WWOX: variants seen among roughly 807,000 people sequenced by gnomAD.
The protein encoded by WWOX is WW domain containing oxidoreductase, also known as WW domain-containing oxidoreductase.
Under a neutral mutation model 46.2 loss-of-function variants are expected in WWOX, and 69 were observed. The observed-to-expected ratio is 1.49, with a 90% confidence interval of 1.23 to 1.82. The LOEUF (loss-of-function observed/expected upper bound fraction) is 1.82, where lower values mean the gene tolerates loss of function less well. WWOX is among the 40% of genes most tolerant of loss of function. WWOX has a pLI of 0.00. For synonymous variants in WWOX, 359 were observed against 202.6 expected (o/e 1.77, Z -6.56); for missense variants, 919 against 542.6 (o/e 1.69, Z -6.89).
intron 8 of WWOX, among the ~76,000 whole-genome samples, chr16:79,055,047 C>T (rs563594016): frequency 5.1e-4 from 77 of 152,206 alleles, no homozygotes; most frequent in African/African-American, 1.6e-3. Flanking sequence ...TTATATATTT[C>T]GTCAGAGACC....
chr16:78,963,522 G>T (rs775676812), intron 8 of WWOX, among the ~76,000 whole-genome samples: 7 of 152,114 alleles, frequency 4.6e-5, no homozygotes, highest in Non-Finnish European at 1.5e-5. Flanking sequence ...GACAGCAGTC[G>T]CTTCACTCCT....
intron 8 of WWOX, among the ~76,000 whole-genome samples, chr16:78,567,746 G>A (rs997555944): frequency 1.3e-5 from 2 of 151,986 alleles, no homozygotes; most frequent in South Asian, 4.2e-4. Context: ...TGGCTGAGTC[G>A]GGGAGAAAAG....
chr16:78,551,547 C>G (rs980474860), intron 8 of WWOX: 1 of 152,162 alleles, frequency 6.6e-6, no homozygotes, highest in Non-Finnish European at 1.5e-5. Flanking sequence ...AAGGAATAGC[C>G]TAGACCTAAA....
intron 8 of WWOX, among the ~76,000 whole-genome samples, chr16:78,880,043 G>C (rs1178895198): frequency 6.6e-6 from 1 of 152,176 alleles, no homozygotes; most frequent in African/African-American, 2.4e-5. Context: ...TAAAGTAAAA[G>C]AGTGAAAACA....
At chr16:78,509,390 G>A (rs527291167) in intron 8 of WWOX, among the ~76,000 whole-genome samples, 103 of 151,516 alleles carry the variant, frequency 6.8e-4, no homozygotes, top group Middle Eastern at 3.4e-3. Flanking sequence ...AGTGAGCTGA[G>A]TTTGCACCAC....
chr16:78,220,609 G>A (rs1274446844), intron 5 of WWOX, among the ~76,000 whole-genome samples: 2 of 152,066 alleles, frequency 1.3e-5, no homozygotes. Context: ...AGCGAAAATT[G>A]AACATTTTTA....
chr16:78,744,516 C>G (rs927019087), intron 8 of WWOX, among the ~76,000 whole-genome samples: 1 of 138,454 alleles, frequency 7.2e-6, no homozygotes, highest in Non-Finnish European at 1.5e-5. Flanking sequence ...ATTGCAACAT[C>G]TGCCTCCTGG....
intron 8 of WWOX, chr16:79,206,229 C>T (rs958362315): frequency 1.3e-5 from 2 of 152,238 alleles, no homozygotes; most frequent in Non-Finnish European, 2.9e-5. Flanking sequence ...CAGACATGGC[C>T]TGGCTGAGAA....
In WWOX at chr16:78,144,448, C is replaced by CGTATATATATATATATATAT. The variant is rs71380475; in HGVS notation, c.410-19735_410-19734insGTATATATATATATATATAT. On this transcript the variant is annotated intron_variant, in intron 4 of 8. Coordinates refer to ENST00000566780, the MANE Select transcript of WWOX (RefSeq NM_016373.4). ...CCATTACTATATATATATATATATA[C>CGTATATATATATATATATAT]ACATATATATATATACACACATATA... is the stretch of plus-strand genomic sequence containing the variant. 7.6e-3 allele frequency among the ~76,000 whole-genome samples: 133 copies of CGTATATATATATATATATAT among 17,570 alleles called. 17 individuals carry two copies. The highest frequency in any genetic ancestry group is 0.013 in the African/African-American group (87 of 6,936). 11.5% of individuals were successfully genotyped at this position (17,570 alleles called of 152,430 possible). A position where few individuals can be genotyped will look rare whatever the true frequency, so the allele number is the denominator to read the frequency against.
chr16:78,809,962 C>A (rs974472093), intron 8 of WWOX, among the ~76,000 whole-genome samples: 19 of 152,184 alleles, frequency 1.2e-4, no homozygotes, highest in African/African-American at 4.1e-4. Flanking sequence ...CCTTGGTATC[C>A]TGTTCATCTG....
chr16:78,855,590 T>A (rs1279833864), intron 8 of WWOX, among the ~76,000 whole-genome samples: 1 of 152,196 alleles, frequency 6.6e-6, no homozygotes, highest in Non-Finnish European at 1.5e-5. Context: ...TACTTCCTGC[T>A]CAGAGCTGTA....
At chr16:78,410,308 G>C (rs532406451) in intron 6 of WWOX, among the ~76,000 whole-genome samples, 8 of 152,254 alleles carry the variant, frequency 5.3e-5, no homozygotes, top group East Asian at 1.9e-4. Context: ...TGCAAGAATA[G>C]CTTAACACAC....
At chr16:78,395,106 T>A (rs1171947095) in intron 6 of WWOX, among the ~76,000 whole-genome samples, 1 of 152,238 alleles carries the variant, frequency 6.6e-6, no homozygotes, top group African/African-American at 2.4e-5. Context: ...TAAAATGATC[T>A]TAGAAAGGTT....
intron 8 of WWOX, among the ~76,000 whole-genome samples, chr16:78,922,089 C>G (rs1009723635): frequency 6.6e-5 from 10 of 152,144 alleles, no homozygotes; most frequent in Non-Finnish European, 1.5e-4. Context: ...AGAAACTCAC[C>G]TGAGCCTCTG....
At chr16:78,572,236 A>G (rs771736245) in intron 8 of WWOX, among the ~76,000 whole-genome samples, 4 of 152,212 alleles carry the variant, frequency 2.6e-5, no homozygotes, top group Non-Finnish European at 2.9e-5. Flanking sequence ...GATAGCAGTG[A>G]TAATGGGTGG....
chr16:79,077,883 C>G (rs994181296), intron 8 of WWOX: 1 of 152,158 alleles, frequency 6.6e-6, no homozygotes, highest in African/African-American at 2.4e-5. Context: ...TCTTCTTACT[C>G]AACTCTCCCG....
chr16:78,700,223 G>A (rs1110555), intron 8 of WWOX, among the ~76,000 whole-genome samples: 150,863 of 150,864 alleles, frequency 1, 75,431 homozygotes, highest in Middle Eastern at 1. Context: ...GAAGTCAGAT[G>A]TCAGGGCACC....
chr16:78,789,348 C>G (rs926776434), intron 8 of WWOX, among the ~76,000 whole-genome samples: 7 of 152,154 alleles, frequency 4.6e-5, no homozygotes, highest in Non-Finnish European at 2.9e-5. Flanking sequence ...AGGCATTCAA[C>G]TTTGTTCTTT....
intron 4 of WWOX, among the ~76,000 whole-genome samples, chr16:78,122,629 G>A (rs1027239293): frequency 1.3e-5 from 2 of 150,592 alleles, no homozygotes; most frequent in East Asian, 1.9e-4. Context: ...TTTTGAGACG[G>A]TGCCTTGCTC....
Sources: gnomAD v4.1 joint callset for allele counts (sites outside exome capture counted in the v4.1 genomes callset) on GRCh38, gnomAD v4.1.1 for gene constraint, MANE v1.5 for transcripts, NCBI Gene and HGNC (gene_info 2026-07-23, HGNC 2026-07-21) for gene names.